The following ODAD2 variants were observed in gnomAD, a reference collection of about 807,000 sequenced individuals.
The protein encoded by ODAD2 is outer dynein arm docking complex subunit 2, also known as outer dynein arm-docking complex subunit 2.
In ODAD2, 89 loss-of-function variants were observed where a neutral mutation model predicts 106.8. That is an observed-to-expected ratio of 0.83 (90% CI 0.70 to 0.99). The LOEUF (loss-of-function observed/expected upper bound fraction) is 0.99. Among genes scored for constraint, ODAD2 ranks in the 50% least tolerant of loss-of-function variants. The pLI, the probability that ODAD2 is intolerant of heterozygous loss-of-function variation, is 0.00. For synonymous variants in ODAD2, 404 were observed against 436.2 expected, an observed-to-expected ratio of 0.93 and a Z score of 0.92; for missense variants, 1,168 against 1,238.5, an observed-to-expected ratio of 0.94 and a Z score of 0.85.
intron 17 of ODAD2, among the ~76,000 whole-genome samples, chr10:27,893,443 G>A (rs1404491391): frequency 2.0e-5 from 3 of 152,166 alleles, no homozygotes; most frequent in Non-Finnish European, 2.9e-5. Flanking sequence ...AGTAGCAACA[G>A]CTTGTCTAAA....
intron 9 of ODAD2, among the ~76,000 whole-genome samples, chr10:27,964,986 C>T (rs1263875289): frequency 6.6e-6 from 1 of 152,086 alleles, no homozygotes; most frequent in African/African-American, 2.4e-5. Flanking sequence ...GTGATAATTC[C>T]AGGAAGTGGC....
In ODAD2 at chr10:27,952,074, C is replaced by CAAAAAAAAAAAAAAAAAAAAAA. The variant is rs71388944; in HGVS notation, c.1387-7113_1387-7112insTTTTTTTTTTTTTTTTTTTTTT. ...TGGGCAACAGACTGAGATGCCAACT[C>CAAAAAAAAAAAAAAAAAAAAAA]AAAAAAAAAAAAAAAAAAGACACAC... On this transcript the variant is annotated intron_variant, in intron 10 of 19. Coordinates refer to ENST00000305242, the MANE Select transcript of ODAD2 (RefSeq NM_018076.5). Among the ~76,000 whole-genome samples the CAAAAAAAAAAAAAAAAAAAAAA allele has an allele frequency of 2.6e-3, 116 of 43,812 alleles. 1 individual carries two copies. The highest frequency in any genetic ancestry group is 3.0e-3 in the Non-Finnish European group (67 of 22,138). The allele number at this position is 43,812 out of a possible 152,430, so 28.7% of individuals were successfully genotyped here.
At chr10:27,869,754 C>T (rs1474647089) in intron 17 of ODAD2, among the ~76,000 whole-genome samples, 1 of 151,788 alleles carries the variant, frequency 6.6e-6, no homozygotes, top group African/African-American at 2.4e-5. Flanking sequence ...AGGCTGGTCC[C>T]GAACTCTTGA....
intron 6 of ODAD2, among the ~76,000 whole-genome samples, chr10:27,982,779 G>A (rs1326415619): frequency 7.2e-5 from 11 of 152,124 alleles, no homozygotes; most frequent in African/African-American, 2.2e-4. Context: ...AGATACTGAG[G>A]GCAGGATGTT....
At chr10:27,836,471 C>T (rs184086432) in intron 19 of ODAD2, among the ~76,000 whole-genome samples, 1 of 152,146 alleles carries the variant, frequency 6.6e-6, no homozygotes, top group East Asian at 1.9e-4. Flanking sequence ...GGACATCTTC[C>T]TAAATTATAC....
chr10:27,877,531 T>G (rs1841425116), intron 17 of ODAD2, among the ~76,000 whole-genome samples: 1 of 152,206 alleles, frequency 6.6e-6, no homozygotes, highest in Admixed American at 6.5e-5. Flanking sequence ...TTCTTTTCTT[T>G]TTTCCTTTTT....
chr10:27,813,614 C>A (rs1835909349), intron 19 of ODAD2, among the ~76,000 whole-genome samples: 1 of 151,734 alleles, frequency 6.6e-6, no homozygotes. Context: ...TGGATGATGC[C>A]AAAAAACGAG....
chr10:27,958,191 C>T (rs1302019246), intron 10 of ODAD2, among the ~76,000 whole-genome samples: 1 of 152,182 alleles, frequency 6.6e-6, no homozygotes, highest in South Asian at 2.1e-4. Context: ...ATCACATTTG[C>T]ACATGATTTA....
At chr10:27,907,058 C>G (rs879758053) in intron 17 of ODAD2, among the ~76,000 whole-genome samples, 1 of 152,058 alleles carries the variant, frequency 6.6e-6, no homozygotes, top group Non-Finnish European at 1.5e-5. Context: ...CAACAAGGAT[C>G]TTAAAGGGCA....
chr10:27,830,715 T>C (rs1458407301), intron 19 of ODAD2, among the ~76,000 whole-genome samples: 2 of 152,138 alleles, frequency 1.3e-5, no homozygotes, highest in Non-Finnish European at 2.9e-5. Context: ...GTGGATTGTA[T>C]CTCTAAGCCT....
At chr10:27,885,559 TATAAATATATATATATATAA>T (rs1842053602) in intron 17 of ODAD2, among the ~76,000 whole-genome samples, 1 of 15,654 alleles carries the variant, frequency 6.4e-5, no homozygotes, top group African/African-American at 2.6e-4. Flanking sequence ...AATATATAAA[TATAAATATATATATATATAA>T]ATATATAAAT....
chr10:27,971,415 G>T, intron 7 of ODAD2, 102 bp from the exon 8 acceptor site: 1 of 1,007,652 alleles, frequency 9.9e-7, no homozygotes, highest in Non-Finnish European at 1.4e-6. Context: ...AGTCTCGGAT[G>T]CATTTAACTT....
intron 19 of ODAD2, among the ~76,000 whole-genome samples, chr10:27,858,537 C>A (rs1432448457): frequency 1.3e-5 from 2 of 152,136 alleles, no homozygotes; most frequent in African/African-American, 4.8e-5. Flanking sequence ...ACAACAGACA[C>A]AATTTTCCTT....
At chr10:27,820,541 T>TA (rs1836518584) in intron 19 of ODAD2, among the ~76,000 whole-genome samples, 1 of 152,048 alleles carries the variant, frequency 6.6e-6, no homozygotes. Flanking sequence ...TCACAAGACT[T>TA]ACGTTAGAAG....
chr10:27,907,083 A>C (rs1395753717), intron 17 of ODAD2, among the ~76,000 whole-genome samples: 2 of 152,222 alleles, frequency 1.3e-5, no homozygotes, highest in African/African-American at 4.8e-5. Flanking sequence ...CTAAACCTAT[A>C]GAAAAAATGT....
At chr10:27,937,439 G>A (rs1318614762) in intron 14 of ODAD2, among the ~76,000 whole-genome samples, 1 of 151,464 alleles carries the variant, frequency 6.6e-6, no homozygotes, top group Non-Finnish European at 1.5e-5. Flanking sequence ...CTGGGTTCAG[G>A]TGATTAGAGA....
intron 17 of ODAD2, among the ~76,000 whole-genome samples, chr10:27,885,640 T>TATATATA (rs1564465763): frequency 2.2e-5 from 1 of 44,900 alleles, no homozygotes; most frequent in African/African-American, 8.0e-5. Flanking sequence ...AAATATATAT[T>TATATATA]ATATATATTA....
At chr10:27,952,330 C>T (rs953055109) in intron 10 of ODAD2, among the ~76,000 whole-genome samples, 3 of 151,794 alleles carry the variant, frequency 2.0e-5, no homozygotes, top group African/African-American at 4.8e-5. Flanking sequence ...AACAAAAAGA[C>T]TACACATCGA....
intron 19 of ODAD2, among the ~76,000 whole-genome samples, chr10:27,821,257 T>C (rs1437083168): frequency 6.6e-6 from 1 of 151,584 alleles, no homozygotes; most frequent in Non-Finnish European, 1.5e-5. Flanking sequence ...CTCTTTGAGT[T>C]TTGCCGCTAA....
Sources: allele counts gnomAD v4.1 joint callset (sites outside exome capture counted in the v4.1 genomes callset), GRCh38; gene constraint gnomAD v4.1.1; transcripts MANE v1.5; gene names NCBI Gene and HGNC (gene_info 2026-07-23, HGNC 2026-07-21).